GRIN2A: variants seen among roughly 807,000 people sequenced by gnomAD.
GRIN2A encodes glutamate receptor ionotropic, NMDA 2A.
Under a neutral mutation model 113.4 loss-of-function variants are expected in GRIN2A, and 22 were observed. The observed-to-expected ratio is 0.19, with a 90% CI of 0.14 to 0.28. The LOEUF (loss-of-function observed/expected upper bound fraction) is 0.28. GRIN2A is among the 10% of genes least tolerant of loss of function. The pLI is 1.00. For synonymous variants in GRIN2A, 827 were observed against 738.4 expected (o/e 1.12, Z -1.94); for missense variants, 1,502 against 1,887.0 (o/e 0.80, Z 3.78).
At position 9,761,640 on chromosome 16, in the gene GRIN2A, G is replaced by C; in HGVS notation, c.*1509C>G. The C allele has an allele frequency of 4.4e-6, 1 of 229,126 alleles. No individual in the cohort carries two copies. Among genetic ancestry groups the C allele is most frequent in the Non-Finnish European group, 8.7e-6 (1 of 115,574 alleles). 14.2% of individuals were successfully genotyped at this position (229,126 alleles called of 1,614,324 possible). ...TCATAACATAGCAACTATCTTGTCG[G>C]GGGCACTTGTTTTTGTGGCAGGCAC... On this transcript the variant is annotated 3_prime_UTR_variant, in exon 13 of 13. Coordinates refer to ENST00000330684, the MANE Select transcript of GRIN2A (RefSeq NM_001134407.3).
In GRIN2A at chr16:9,754,753, A is replaced by G. The variant is rs192548671; in HGVS notation, c.*8396T>C. On this transcript the variant is annotated 3_prime_UTR_variant, in exon 13 of 13. Coordinates refer to ENST00000330684, the MANE Select transcript of GRIN2A (RefSeq NM_001134407.3). Reference sequence around the variant, plus strand: ...TTAGATGGCTAATGTAGAAACTTCGATTGAATTCAAAAGGCTATGATTGTT... The same window carrying G: ...TTAGATGGCTAATGTAGAAACTTCGGTTGAATTCAAAAGGCTATGATTGTT... 3.0e-3 allele frequency: 669 copies of G among 219,516 alleles called. 3 individuals carry two copies. The highest frequency in any genetic ancestry group is 4.8e-3 in the Non-Finnish European group (527 of 109,350). The allele number at this position is 219,516 out of a possible 1,614,324, so 13.6% of individuals were successfully genotyped here.
chr16:10,039,022 G>T (rs866339388), intron 2 of GRIN2A, among the ~76,000 whole-genome samples: 2 of 151,914 alleles, frequency 1.3e-5, no homozygotes, highest in Non-Finnish European at 2.9e-5. Context: ...AATTCACTGC[G>T]TGTTTACTTT....
chr16:10,019,628 T>C (rs1011371244), intron 2 of GRIN2A, among the ~76,000 whole-genome samples: 1 of 152,218 alleles, frequency 6.6e-6, no homozygotes, highest in Non-Finnish European at 1.5e-5. Flanking sequence ...CCCTGCCGGG[T>C]ACCCCCAATG....
intron 2 of GRIN2A, among the ~76,000 whole-genome samples, chr16:9,980,692 A>T (rs772095968): frequency 6.6e-6 from 1 of 152,130 alleles, no homozygotes; most frequent in Non-Finnish European, 1.5e-5. Flanking sequence ...TTGTAGGGAC[A>T]TGGATGAAGG....
chr16:10,170,818 A>G (rs2050026480), intron 2 of GRIN2A, among the ~76,000 whole-genome samples: 1 of 151,878 alleles, frequency 6.6e-6, no homozygotes, highest in Non-Finnish European at 1.5e-5. Flanking sequence ...TTGAGGCTGC[A>G]GTGAACTATG....
At position 9,863,411 on chromosome 16, in the gene GRIN2A, A is replaced by T. The variant is rs1567354567; in HGVS notation, c.1123-13450T>A. On this transcript the variant is annotated intron_variant, in intron 4 of 12. Transcript: ENST00000330684. ...GTGGTCTTACAGTGTGCTTTTACTCATGACAGTTTTACTTCTTCCATTTGC... is the reference window on the plus strand; with the variant it reads ...GTGGTCTTACAGTGTGCTTTTACTCTTGACAGTTTTACTTCTTCCATTTGC... Among the ~76,000 whole-genome samples the T allele has an allele frequency of 2.0e-5, 3 of 152,096 alleles. No individual in the cohort carries two copies. In the South Asian group the frequency reaches 6.2e-4, roughly 32 times the overall value.
chr16:10,122,322 T>C (rs2048851161), intron 2 of GRIN2A, among the ~76,000 whole-genome samples: 1 of 152,178 alleles, frequency 6.6e-6, no homozygotes, highest in African/African-American at 2.4e-5. Flanking sequence ...TTGTTAAAGC[T>C]GGAGGAGTTT....
chr16:10,061,705 G>C (rs1042892230), intron 2 of GRIN2A, among the ~76,000 whole-genome samples: 1 of 152,122 alleles, frequency 6.6e-6, no homozygotes, highest in South Asian at 2.1e-4. Context: ...AGTGGCAAAG[G>C]CAACAAAAAA....
At chr16:10,115,598 A>C (rs902038891) in intron 2 of GRIN2A, among the ~76,000 whole-genome samples, 4 of 152,228 alleles carry the variant, frequency 2.6e-5, no homozygotes, top group Admixed American at 2.0e-4. Flanking sequence ...AGTTGTGCCC[A>C]AGGCAACAGC....
chr16:9,890,871 G>T, intron 4 of GRIN2A, 115 bp downstream of exon 4: 1 of 737,194 alleles, frequency 1.4e-6, no homozygotes, highest in Non-Finnish European at 2.5e-6. Flanking sequence ...TTGGCTGTGA[G>T]ATGGGATCTA....
At chr16:9,912,431 A>G (rs1341463164) in intron 3 of GRIN2A, among the ~76,000 whole-genome samples, 1 of 149,966 alleles carries the variant, frequency 6.7e-6, no homozygotes, top group Non-Finnish European at 1.5e-5. Context: ...CCCTGATGAA[A>G]TGCATATAAA....
At chr16:10,096,573 C>CACACACACA (rs1555478915) in intron 2 of GRIN2A, among the ~76,000 whole-genome samples, 23 of 149,266 alleles carry the variant, frequency 1.5e-4, no homozygotes, top group African/African-American at 5.4e-4. Flanking sequence ...CACACACACA[C>CACACACACA]TTTACTCTCT....
chr16:10,150,122 C>T (rs1596555499), intron 2 of GRIN2A, among the ~76,000 whole-genome samples: 3 of 152,184 alleles, frequency 2.0e-5, no homozygotes, highest in African/African-American at 4.8e-5. Context: ...GGCTGAAACT[C>T]GGTTGTTTGG....
intron 2 of GRIN2A, among the ~76,000 whole-genome samples, chr16:10,161,532 AAGATCAAATTC>A (rs1282237764): frequency 6.6e-6 from 1 of 152,226 alleles, no homozygotes; most frequent in Non-Finnish European, 1.5e-5. Flanking sequence ...ATGAATTTTT[AAGATCAAATTC>A]AGAGAAAAGG....
intron 4 of GRIN2A, among the ~76,000 whole-genome samples, chr16:9,853,787 C>T (rs146093245): frequency 5.7e-4 from 86 of 152,058 alleles, no homozygotes; most frequent in Admixed American, 2.1e-3. Context: ...AATGAACCTC[C>T]GTATTCCCAA....
chr16:10,154,777 T>C (rs1177026246), intron 2 of GRIN2A, among the ~76,000 whole-genome samples: 1 of 152,116 alleles, frequency 6.6e-6, no homozygotes, highest in African/African-American at 2.4e-5. Flanking sequence ...TTGAAGGATA[T>C]GAGACAGACA....
At position 10,135,867 on chromosome 16, in the gene GRIN2A, AC is replaced by A. The variant is rs541112115; in HGVS notation, c.414+44130del. On this transcript the variant is annotated intron_variant, in intron 2 of 12. Coordinates refer to ENST00000330684, the MANE Select transcript of GRIN2A (RefSeq NM_001134407.3). ...CTGATTATAAGCTTTAATCACACCT[AC>A]AAAACACCTTCACAACCCACCTACA... Among the ~76,000 whole-genome samples, 24 of 152,260 alleles carry A rather than the reference AC, an allele frequency of 1.6e-4. No individual in the cohort carries two copies. The South Asian group carries it at 4.4e-3, about 28-fold the overall frequency.
chr16:10,149,201 T>G (rs2049511955), intron 2 of GRIN2A, among the ~76,000 whole-genome samples: 1 of 152,214 alleles, frequency 6.6e-6, no homozygotes, highest in Non-Finnish European at 1.5e-5. Flanking sequence ...TAATTGTATA[T>G]TTTTAAGTAA....
intron 2 of GRIN2A, among the ~76,000 whole-genome samples, chr16:10,129,021 A>G (rs2049006772): frequency 6.6e-6 from 1 of 152,106 alleles, no homozygotes. Flanking sequence ...CATTTAACAG[A>G]TATTTATTAA....
Sources: allele counts gnomAD v4.1 joint callset (sites outside exome capture counted in the v4.1 genomes callset), GRCh38; gene constraint gnomAD v4.1.1; transcripts MANE v1.5; gene names NCBI Gene and HGNC (gene_info 2026-07-23, HGNC 2026-07-21).